TCF12: variants seen among roughly 807,000 people sequenced by gnomAD.
TCF12 encodes the protein DNA-binding protein HTF4.
In TCF12, 45 loss-of-function variants were observed where a neutral mutation model predicts 86.0. That is an observed-to-expected ratio of 0.52 (90% CI 0.41 to 0.67). The LOEUF (loss-of-function observed/expected upper bound fraction) is 0.67. Among genes scored for constraint, TCF12 ranks in the 30% least tolerant of loss-of-function variants. The pLI is 0.00. For synonymous variants in TCF12, 330 were observed against 299.6 expected, an observed-to-expected ratio of 1.10 and a Z score of -1.05; for missense variants, 881 against 859.9, an observed-to-expected ratio of 1.02 and a Z score of -0.31.
At chr15:57,187,382 C>T (rs1188926507) in intron 6 of TCF12, among the ~76,000 whole-genome samples, 1 of 152,140 alleles carries the variant, frequency 6.6e-6, no homozygotes, top group African/African-American at 2.4e-5. Flanking sequence ...TTACTGATTA[C>T]ATTCAGCATT....
At chr15:56,919,144 G>T (rs907112473) in intron 1 of TCF12, 21 of 151,636 alleles carry the variant, frequency 1.4e-4, no homozygotes, top group African/African-American at 5.1e-4. Context: ...CCCGTTCGGT[G>T]CCCGACTCGG....
At chr15:57,177,991 A>T (rs1032573620) in intron 6 of TCF12, among the ~76,000 whole-genome samples, 2 of 152,182 alleles carry the variant, frequency 1.3e-5, no homozygotes, top group African/African-American at 4.8e-5. Flanking sequence ...GATGATACTT[A>T]GTGCTCGTTG....
In TCF12 at chr15:56,956,162, G is replaced by GT. The variant is rs574902335; in HGVS notation, c.148+35070dup. Among the ~76,000 whole-genome samples the GT allele has an allele frequency of 1.9e-3, 293 of 151,412 alleles. 5 individuals are homozygous for GT. The highest frequency in any genetic ancestry group is 4.7e-4 in the Non-Finnish European group (32 of 67,810). On this transcript the variant is annotated intron_variant, in intron 3 of 20. Transcript: ENST00000333725. ...TTACCAGCATATAATTGGGTTCTGC[G>GT]TTTTTTATCTAGTCTAAAGTCTTTG... is the stretch of plus-strand genomic sequence containing the variant.
intron 8 of TCF12, among the ~76,000 whole-genome samples, chr15:57,204,997 T>C (rs1254404149): frequency 2.6e-5 from 4 of 152,094 alleles, no homozygotes; most frequent in African/African-American, 9.7e-5. Context: ...GAAGCCAAGA[T>C]AACAGAGTGT....
intron 8 of TCF12, among the ~76,000 whole-genome samples, chr15:57,221,383 G>GTGT (rs2058583270): frequency 6.7e-6 from 1 of 148,640 alleles, no homozygotes; most frequent in East Asian, 2.0e-4. Context: ...ATGTGTGTGG[G>GTGT]GTGTGTGTGT....
At chr15:57,271,981 G>A (rs1252726183) in intron 18 of TCF12, among the ~76,000 whole-genome samples, 4 of 152,042 alleles carry the variant, frequency 2.6e-5, no homozygotes, top group South Asian at 4.2e-4. Flanking sequence ...CCTCCATCCC[G>A]TGGTCCTTGG....
chr15:57,024,199 C>T (rs1233573642), intron 3 of TCF12, among the ~76,000 whole-genome samples: 1 of 146,970 alleles, frequency 6.8e-6, no homozygotes, highest in Non-Finnish European at 1.5e-5. Flanking sequence ...TCTGAGGACC[C>T]ATACTCAAAA....
chr15:57,150,881 T>C (rs28376575), intron 5 of TCF12, among the ~76,000 whole-genome samples: 7,178 of 34,294 alleles, frequency 0.21, 660 homozygotes, highest in East Asian at 0.33. Context: ...GTCCCTTCCT[T>C]CCTTCCTTCC....
chr15:56,986,267 G>A (rs1231335243), intron 3 of TCF12, among the ~76,000 whole-genome samples: 1 of 152,084 alleles, frequency 6.6e-6, no homozygotes, highest in African/African-American at 2.4e-5. Flanking sequence ...TACGTTTCTG[G>A]TTTTTGGTGT....
chr15:57,031,992 A>G (rs561095786), intron 3 of TCF12, among the ~76,000 whole-genome samples: 102 of 152,198 alleles, frequency 6.7e-4, no homozygotes, highest in African/African-American at 2.4e-3. Context: ...AGCCCATTGC[A>G]TTTTTTACTC....
chr15:57,166,525 C>T (rs1268828801), intron 6 of TCF12, 59 bp downstream of exon 6: 1 of 1,387,780 alleles, frequency 7.2e-7, no homozygotes, highest in Non-Finnish European at 1.0e-6. Flanking sequence ...AATAAAGGCT[C>T]TATTAATAGA....
rs76003464 is a variant in TCF12 at position 56,986,290 on chromosome 15, T to C, written c.148+65192T>C. Among the ~76,000 whole-genome samples, 716 of 152,290 alleles carry C rather than the reference T, an allele frequency of 4.7e-3. 8 individuals are homozygous for C. The highest frequency in any genetic ancestry group is 0.016 in the African/African-American group (685 of 41,586). On this transcript the variant is annotated intron_variant, in intron 3 of 20. Transcript: ENST00000333725. Reference sequence around the variant, plus strand: ...TGGTTTTTGGTGTGTATGTTATCAATGTTGACCAAAATTAACTGAATATGG... The same window carrying C: ...TGGTTTTTGGTGTGTATGTTATCAACGTTGACCAAAATTAACTGAATATGG...
At chr15:57,190,136 C>G (rs1385328301) in intron 6 of TCF12, among the ~76,000 whole-genome samples, 1 of 152,154 alleles carries the variant, frequency 6.6e-6, no homozygotes, top group East Asian at 1.9e-4. Flanking sequence ...GGTGATGAGA[C>G]TGTTCTGAAA....
At chr15:56,961,869 G>A (rs559017071) in intron 3 of TCF12, among the ~76,000 whole-genome samples, 51 of 152,172 alleles carry the variant, frequency 3.4e-4, no homozygotes, top group African/African-American at 1.2e-3. Context: ...TGGGCCGGGC[G>A]CGGTGGCTCA....
At chr15:57,236,463 T>G (rs894981486) in intron 12 of TCF12, among the ~76,000 whole-genome samples, 9 of 152,146 alleles carry the variant, frequency 5.9e-5, no homozygotes, top group African/African-American at 2.2e-4. Context: ...GACTGACTCT[T>G]TTGAAATTTT....
intron 3 of TCF12, among the ~76,000 whole-genome samples, chr15:56,963,869 G>T (rs1453736479): frequency 2.6e-5 from 4 of 152,168 alleles, no homozygotes; most frequent in Non-Finnish European, 5.9e-5. Context: ...TCGTAACTTG[G>T]TTCCTGGGAG....
chr15:57,206,241 G>A (rs1249215093), intron 8 of TCF12, among the ~76,000 whole-genome samples: 3 of 152,166 alleles, frequency 2.0e-5, no homozygotes, highest in Non-Finnish European at 4.4e-5. Context: ...GATGGCTTAT[G>A]CCTGTAATCC....
At chr15:57,112,034 A>G (rs2151236408) in intron 5 of TCF12, among the ~76,000 whole-genome samples, 1 of 152,296 alleles carries the variant, frequency 6.6e-6, no homozygotes. Context: ...TCACAGGAAT[A>G]TTTCTGGAGT....
chr15:57,248,618 A>G (rs758941825), intron 13 of TCF12, among the ~76,000 whole-genome samples: 2 of 152,252 alleles, frequency 1.3e-5, no homozygotes, highest in Admixed American at 1.3e-4. Context: ...TCAATGAGCT[A>G]CTTATTTTTA....
Sources: gnomAD v4.1 joint callset for allele counts (sites outside exome capture counted in the v4.1 genomes callset) on GRCh38, gnomAD v4.1.1 for gene constraint, MANE v1.5 for transcripts, NCBI Gene and HGNC (gene_info 2026-07-23, HGNC 2026-07-21) for gene names.